WFDC2: variants seen among roughly 807,000 people sequenced by gnomAD.
WFDC2 encodes WAP four-disulfide core domain protein 2.
WFDC2 carries 8 observed loss-of-function variants against 12.5 expected under a neutral mutation model. The observed-to-expected ratio is 0.64, with a 90% CI of 0.37 to 1.15. The LOEUF is 1.15. WFDC2 is among the 50% of genes most tolerant of loss of function. The probability of loss-of-function intolerance (pLI) is 0.01; values close to 1 mark genes in which losing one functional copy is unlikely to be tolerated. For missense variants in WFDC2, 166 were observed against 159.9 expected (o/e 1.04, Z -0.21); for synonymous variants, 74 against 67.2 (o/e 1.10, Z -0.49).
chr20:45,473,660 A>G (rs1023264575), intron 2 of WFDC2, among the ~76,000 whole-genome samples: 1 of 152,154 alleles, frequency 6.6e-6, no homozygotes, highest in African/African-American at 2.4e-5. Flanking sequence ...TGTCTTGGCT[A>G]TGTGGGCTTT....
At chr20:45,479,504 A>T in intron 2 of WFDC2, 1 of 646,658 alleles carries the variant, frequency 1.5e-6, no homozygotes, top group Non-Finnish European at 2.7e-6. Context: ...TAGGGGCTTG[A>T]TACCTGGCAT....
intron 2 of WFDC2, among the ~76,000 whole-genome samples, chr20:45,476,875 T>C (rs1415708362): frequency 6.6e-6 from 1 of 152,026 alleles, no homozygotes; most frequent in Non-Finnish European, 1.5e-5. Flanking sequence ...CATTCATTCC[T>C]TTTCATTATT....
At chr20:45,480,452 C>CAAA (rs61338717) in intron 3 of WFDC2, among the ~76,000 whole-genome samples, 4 of 133,190 alleles carry the variant, frequency 3.0e-5, no homozygotes, top group African/African-American at 8.1e-5. Context: ...CTAAAAATAC[C>CAAA]AAAAAAAAAA....
Position 45,470,629 on chromosome 20 carries a change from C to A in WFDC2, c.223+97C>A. ...TTCCGGGAACAGGGGCGCCCCCGGA[C>A]CCGGGGACCCCCGGGAAAGTCAAGG... On this transcript the variant is annotated intron_variant, in intron 2 of 3. Coordinates refer to ENST00000372676, the MANE Select transcript of WFDC2 (RefSeq NM_006103.4). The surrounding 1 kb of genome is among the most constrained non-coding windows in gnomAD (Gnocchi z 5.4). 7.0e-7 allele frequency: 1 copy of A among 1,426,368 alleles called. No homozygotes were observed. 88.4% of individuals were successfully genotyped at this position (1,426,368 alleles called of 1,614,324 possible).
chr20:45,478,852 C>T (rs1048705838), intron 2 of WFDC2, among the ~76,000 whole-genome samples: 13 of 152,118 alleles, frequency 8.5e-5, no homozygotes, highest in Non-Finnish European at 1.8e-4. Context: ...TGATCCCACC[C>T]GCCTGAGCCT....
chr20:45,469,972 G>A, intron 1 of WFDC2, 112 bp downstream of exon 1: 6 of 1,351,316 alleles, frequency 4.4e-6, no homozygotes, highest in Non-Finnish European at 6.1e-6. Context: ...AATTCCGGGG[G>A]CGGAAGTGGC....
rs1555882006 is a variant in WFDC2, at chr20:45,479,674, C to A, written c.224-268C>A. On this transcript the variant is annotated intron_variant, in intron 2 of 3. Coordinates refer to ENST00000372676, the MANE Select transcript of WFDC2 (RefSeq NM_006103.4). ...CCACTGGCACCTAAAGACACGGAGG[C>A]TCTGGGAGATTTCTGGCCCTAGGCC... 72 of 1,613,824 alleles carry A rather than the reference C, an allele frequency of 4.5e-5. 1 individual carries two copies. The South Asian group carries it at 7.9e-4, about 18-fold the overall frequency.
intron 2 of WFDC2, chr20:45,479,335 T>A: frequency 2.6e-6 from 1 of 387,808 alleles, no homozygotes; most frequent in South Asian, 2.8e-5. Context: ...TGCAGCTAGA[T>A]TTCTTGGGGT....
At chr20:45,478,336 G>A (rs1346001474) in intron 2 of WFDC2, among the ~76,000 whole-genome samples, 1 of 152,152 alleles carries the variant, frequency 6.6e-6, no homozygotes, top group Non-Finnish European at 1.5e-5. Context: ...TGAAGACCGT[G>A]GGAAAAGTGT....
intron 2 of WFDC2, among the ~76,000 whole-genome samples, chr20:45,477,249 G>GA (rs1204338935): frequency 1.3e-5 from 2 of 152,146 alleles, no homozygotes; most frequent in African/African-American, 4.8e-5. Context: ...CTTTGGAGAA[G>GA]AGGTGTTCTG....
In WFDC2 at chr20:45,470,806, A is replaced by T. The variant is rs914578974; in HGVS notation, c.223+274A>T. On this transcript the variant is annotated intron_variant, in intron 2 of 3. Transcript: ENST00000372676. The surrounding 1 kb of genome is among the most constrained non-coding windows in gnomAD (Gnocchi z 5.4). The stretch of plus-strand genomic sequence containing the variant: ...GCTTCCGGGCACGCACAGCCGGGAC[A>T]TTGTTCCCCGCGGCCTGGGGACCCG... Among the ~76,000 whole-genome samples the T allele has an allele frequency of 6.6e-6, 1 of 152,076 alleles. No homozygotes were observed. Among genetic ancestry groups the T allele is most frequent in the Non-Finnish European group, 1.5e-5 (1 of 67,990 alleles).
chr20:45,470,410 G>T lies in WFDC2; in HGVS notation c.101G>T (p.Gly34Val). Residue 34 changes from glycine (G) to valine (V), a missense_variant, in exon 2 of 4, where the codon GGC becomes GTC. Transcript: ENST00000372676. This position sits in a 1 kb window ranked among gnomAD's most constrained non-coding sequence, Gnocchi z 5.4. ...LVSGTGAEKT[G>V]VCPELQADQN... is the part of the protein sequence containing the mutation. ...CCAGGCACAGGAGCAGAGAAGACTG[G>T]CGTGTGCCCCGAGCTCCAGGCTGAC... 6.3e-7 allele frequency: 1 copy of T among 1,590,340 alleles called. No homozygotes were observed. Among genetic ancestry groups the T allele is most frequent in the African/African-American group, 1.3e-5 (1 of 74,584 alleles).
chr20:45,477,176 T>C (rs1385162257), intron 2 of WFDC2, among the ~76,000 whole-genome samples: 1 of 152,138 alleles, frequency 6.6e-6, no homozygotes, highest in Non-Finnish European at 1.5e-5. Flanking sequence ...AGCCTACTTC[T>C]GTCAATTTGT....
At chr20:45,480,453 A>C (rs1357280411) in intron 3 of WFDC2, among the ~76,000 whole-genome samples, 1 of 72,054 alleles carries the variant, frequency 1.4e-5, no homozygotes, top group African/African-American at 1.0e-4. Context: ...TAAAAATACC[A>C]AAAAAAAAAA....
chr20:45,479,303 G>C (rs1192463038), intron 2 of WFDC2: 3 of 322,896 alleles, frequency 9.3e-6, no homozygotes, highest in African/African-American at 6.4e-5. Context: ...AACCATGGCA[G>C]CAGCAGTTAA....
In WFDC2 at chr20:45,470,525, G is replaced by A; in HGVS notation, c.216G>A (p.Leu72=). 6.3e-7 allele frequency: 1 copy of A among 1,596,586 alleles called. No homozygotes were observed. Among genetic ancestry groups the A allele is most frequent in the Non-Finnish European group, 8.5e-7 (1 of 1,171,122 alleles). ...CGGGCTGTGCCACCTTCTGCTCTCT[G>A]CCCAATGGTAACCCCACGGCGGCCG... is the stretch of plus-strand genomic sequence containing the variant. ...CSAGCATFCS[L]PNDKEGSCPQ... The change falls in exon 2 of 4, where the codon CTG becomes CTA. Residue 72 remains leucine (L), a synonymous_variant. Transcript: ENST00000372676. The surrounding 1 kb of genome is among the most constrained non-coding windows in gnomAD (Gnocchi z 5.4).
intron 3 of WFDC2, among the ~76,000 whole-genome samples, chr20:45,480,301 G>T (rs138692641): frequency 6.6e-6 from 1 of 152,012 alleles, no homozygotes; most frequent in Non-Finnish European, 1.5e-5. Context: ...CTCAGGCAGA[G>T]GGAACAGAAT....
Position 45,470,868 on chromosome 20 carries a change from C to T in WFDC2, c.223+336C>T, listed in dbSNP as rs938584919. ...TCCTTCTCGAACCGGCCGAAGCCTGCCCTGCGGGAAAGCCCGGAGCCTGGG... is the reference window on the plus strand; with the variant it reads ...TCCTTCTCGAACCGGCCGAAGCCTGTCCTGCGGGAAAGCCCGGAGCCTGGG... On this transcript the variant is annotated intron_variant, in intron 2 of 3. Transcript: ENST00000372676. This position sits in a 1 kb window ranked among gnomAD's most constrained non-coding sequence, Gnocchi z 5.4. Among the ~76,000 whole-genome samples the T allele has an allele frequency of 1.4e-4, 22 of 152,176 alleles. No homozygotes were observed. The highest frequency in any genetic ancestry group is 2.7e-4 in the African/African-American group (11 of 41,454).
rs768351013 is a variant in WFDC2, at chr20:45,469,826, C to A, written c.45C>A (p.Leu15=). The A allele has an allele frequency of 8.7e-6, 14 of 1,611,354 alleles. No homozygotes were observed. The highest frequency in any genetic ancestry group is 1.1e-5 in the Non-Finnish European group (13 of 1,179,028). The change falls in exon 1 of 4, where the codon CTC becomes CTA. Residue 15 remains leucine, a synonymous_variant. Coordinates refer to ENST00000372676, the MANE Select transcript of WFDC2 (RefSeq NM_006103.4). The stretch of plus-strand genomic sequence containing the variant: ...GCCCGCTAGCCGCCGCCCTCCTCCT[C>A]AGCCTGCTGCTGTTCGGCTTCACCC... ...RLGPLAAALL[L]SLLLFGFTLV... is the part of the protein sequence containing the mutation.
Sources: gnomAD v4.1 joint callset for allele counts (sites outside exome capture counted in the v4.1 genomes callset) on GRCh38, gnomAD v4.1.1 for gene constraint, Gnocchi (gnomAD v3.1) non-coding constraint, MANE v1.5 for transcripts, NCBI Gene and HGNC (gene_info 2026-07-23, HGNC 2026-07-21) for gene names.